The following SLC39A9 variants were observed in gnomAD, a reference collection of about 807,000 sequenced individuals.
SLC39A9 encodes zinc transporter ZIP9.
In SLC39A9, 14 loss-of-function variants were observed where a neutral mutation model predicts 28.4. The ratio of observed to expected loss-of-function variants is 0.49; its 90% CI spans 0.33 to 0.77. The LOEUF (loss-of-function observed/expected upper bound fraction) is 0.77, where lower values mean the gene tolerates loss of function less well. SLC39A9 is among the 30% of genes least tolerant of loss of function. The pLI is 0.02. For missense variants in SLC39A9, 283 were observed against 381.1 expected (o/e 0.74, Z 2.14); for synonymous variants, 119 against 149.6 (o/e 0.80, Z 1.49).
intron 3 of SLC39A9, among the ~76,000 whole-genome samples, chr14:69,452,310 A>G (rs11623915): frequency 0.011 from 1,613 of 152,124 alleles, 24 homozygotes; most frequent in South Asian, 0.026. Context: ...TAACTGACAC[A>G]TCATAAGGGT....
At chr14:69,430,377 T>G (rs546698528) in intron 2 of SLC39A9, among the ~76,000 whole-genome samples, 1 of 152,346 alleles carries the variant, frequency 6.6e-6, no homozygotes, top group South Asian at 2.1e-4. Context: ...AAGTTCATTT[T>G]TTGGCATATG....
rs559225638 is a variant in SLC39A9, at chr14:69,457,348, G to A, written c.694-1015G>A. Among the ~76,000 whole-genome samples, 11 of 151,890 alleles carry A rather than the reference G, an allele frequency of 7.2e-5. No individual in the cohort carries two copies. In the South Asian group the frequency reaches 1.2e-3, roughly 17 times the overall value. ...TTCCGGAGTAGCTGGGATTACAGGC[G>A]CCCGCCACCATGCCCGGCTAATTTT... On this transcript the variant is annotated intron_variant, in intron 6 of 6. Transcript: ENST00000336643.
intron 1 of SLC39A9, among the ~76,000 whole-genome samples, chr14:69,415,264 G>T (rs1883505289): frequency 6.6e-6 from 1 of 152,142 alleles, no homozygotes; most frequent in Admixed American, 6.6e-5. Context: ...GAGTTTTCCA[G>T]TTGCTCTATA....
At chr14:69,427,833 G>C (rs760737282) in intron 2 of SLC39A9, among the ~76,000 whole-genome samples, 1 of 152,296 alleles carries the variant, frequency 6.6e-6, no homozygotes, top group Non-Finnish European at 1.5e-5. Flanking sequence ...GTCTGAACAG[G>C]ATCTACTTAG....
Position 69,458,643 on chromosome 14 carries a change from C to A in SLC39A9, c.*50C>A, listed in dbSNP as rs1317890740. On this transcript the variant is annotated 3_prime_UTR_variant, in exon 7 of 7. Transcript: ENST00000336643. ...AGGGCCGTTTGCCATCCAGTGAGAA[C>A]AGCCGGCACGTGACAGCTACTCACT... 1.3e-6 allele frequency: 2 copies of A among 1,520,408 alleles called. No individual in the cohort carries two copies. The highest frequency in any genetic ancestry group is 2.7e-5 in the African/African-American group (2 of 72,820). 94.2% of individuals were successfully genotyped at this position (1,520,408 alleles called of 1,614,324 possible).
Position 69,399,247 on chromosome 14 carries a change from G to T in SLC39A9, c.-123G>T. On this transcript the variant is annotated 5_prime_UTR_variant, in exon 1 of 7. In the 5' UTR this introduces an upstream ATG that the reference lacks. Transcript: ENST00000336643. ...TCGTGAACACATCTGCTGGTGGGAAGGCCTAAAGAACTGGAAAGCCCACTC... is the reference window on the plus strand; with the variant it reads ...TCGTGAACACATCTGCTGGTGGGAATGCCTAAAGAACTGGAAAGCCCACTC... 1 of 779,562 alleles carries T rather than the reference G, an allele frequency of 1.3e-6. No individual in the cohort carries two copies. 48.3% of individuals were successfully genotyped at this position (779,562 alleles called of 1,614,324 possible).
chr14:69,417,635 C>G (rs1883650984), intron 1 of SLC39A9, among the ~76,000 whole-genome samples: 2 of 152,090 alleles, frequency 1.3e-5, no homozygotes, highest in South Asian at 4.1e-4. Context: ...TGTTTGTGTT[C>G]TCTTTTATTT....
intron 2 of SLC39A9, among the ~76,000 whole-genome samples, chr14:69,439,124 AT>A (rs1334103401): frequency 6.6e-6 from 1 of 152,216 alleles, no homozygotes; most frequent in East Asian, 1.9e-4. Flanking sequence ...TATCAGTTGC[AT>A]TTTTATACAC....
intron 3 of SLC39A9, among the ~76,000 whole-genome samples, chr14:69,449,817 G>A (rs1020018929): frequency 6.6e-6 from 1 of 152,044 alleles, no homozygotes. Flanking sequence ...AGGGGCAAGT[G>A]GCTCTAGTTT....
chr14:69,438,815 T>C (rs1884904388), intron 2 of SLC39A9, among the ~76,000 whole-genome samples: 1 of 152,234 alleles, frequency 6.6e-6, no homozygotes, highest in South Asian at 2.1e-4. Flanking sequence ...ATTATCCCAC[T>C]CATTTTTATC....
chr14:69,448,108 G>A (rs1594945153), intron 3 of SLC39A9, among the ~76,000 whole-genome samples: 3 of 151,000 alleles, frequency 2.0e-5, no homozygotes, highest in African/African-American at 4.9e-5. Context: ...CCAGCTACTC[G>A]GGAGGCTGAG....
chr14:69,425,662 T>G (rs865875867), intron 2 of SLC39A9, among the ~76,000 whole-genome samples: 5 of 145,728 alleles, frequency 3.4e-5, no homozygotes, highest in South Asian at 4.4e-4. Context: ...GGGTTTTGGG[T>G]TTTTTTTTTT....
Position 69,398,738 on chromosome 14 carries a change from C to T in SLC39A9, c.-632C>T, listed in dbSNP as rs952863949. ...CATGGCAGCTGTAGTATCGGCGACT[C>T]CGGGTCAAGGCCCGGTCGAGTGCAG... On this transcript the variant is annotated 5_prime_UTR_variant, in exon 1 of 7. Transcript: ENST00000336643. 1.4e-5 allele frequency: 3 copies of T among 220,594 alleles called. No individual in the cohort carries two copies. In the Admixed American group the frequency reaches 1.6e-4, roughly 12 times the overall value. The allele number at this position is 220,594 out of a possible 1,614,324, so 13.7% of individuals were successfully genotyped here. A position where few individuals can be genotyped will look rare whatever the true frequency, so the allele number is the denominator to read the frequency against.
At chr14:69,446,021 CGTTGTT>C (rs34229171) in intron 3 of SLC39A9, among the ~76,000 whole-genome samples, 27,848 of 150,960 alleles carry the variant, frequency 0.18, 2,632 homozygotes, top group South Asian at 0.27. Context: ...ATACTGAACT[CGTTGTT>C]GTTGTTGTTG....
At chr14:69,418,642 G>GT (rs1566911313) in intron 1 of SLC39A9, among the ~76,000 whole-genome samples, 1 of 151,998 alleles carries the variant, frequency 6.6e-6, no homozygotes, top group East Asian at 1.9e-4. Context: ...GGTCCTGGAC[G>GT]TTTTTTGGTT....
chr14:69,407,969 C>T (rs1883036318), intron 1 of SLC39A9, among the ~76,000 whole-genome samples: 1 of 151,974 alleles, frequency 6.6e-6, no homozygotes, highest in South Asian at 2.1e-4. Flanking sequence ...TAGTCAATTC[C>T]TCATCATTCT....
At chr14:69,443,053 C>CT (rs1885120837) in intron 3 of SLC39A9, among the ~76,000 whole-genome samples, 1 of 152,150 alleles carries the variant, frequency 6.6e-6, no homozygotes, top group South Asian at 2.1e-4. Context: ...GTCATAGTAA[C>CT]TGTTTTGTTT....
At chr14:69,421,994 A>G (rs1355105452) in intron 1 of SLC39A9, among the ~76,000 whole-genome samples, 1 of 151,724 alleles carries the variant, frequency 6.6e-6, no homozygotes, top group African/African-American at 2.4e-5. Context: ...GCTTCAGCTC[A>G]CCCTCCCTGG....
At chr14:69,454,663 C>A in intron 4 of SLC39A9, 149 bp from the exon 5 acceptor site, 1 of 557,270 alleles carries the variant, frequency 1.8e-6, no homozygotes, top group Admixed American at 3.3e-5. Flanking sequence ...TCATTGAACA[C>A]ATTTTAAAGA....
Sources: gnomAD v4.1 joint callset for allele counts (sites outside exome capture counted in the v4.1 genomes callset) on GRCh38, gnomAD v4.1.1 for gene constraint, MANE v1.5 for transcripts, NCBI Gene and HGNC (gene_info 2026-07-23, HGNC 2026-07-21) for gene names.